Variants in SLC14A2 observed in about 807,000 individuals in gnomAD.
SLC14A2 encodes solute carrier family 14 member 2, also known as urea transporter 2.
In SLC14A2, 91 loss-of-function variants were observed where a neutral mutation model predicts 104.6. The ratio of observed to expected loss-of-function variants is 0.87; its 90% CI spans 0.73 to 1.04. SLC14A2 has a LOEUF of 1.04. SLC14A2 is among the 50% of genes least tolerant of loss of function. The probability of loss-of-function intolerance (pLI) is 0.00; values close to 1 mark genes in which losing one functional copy is unlikely to be tolerated. For synonymous variants in SLC14A2, 476 were observed against 466.4 expected (o/e 1.02, Z -0.27); for missense variants, 1,189 against 1,156.0 (o/e 1.03, Z -0.41).
intron 10 of SLC14A2, among the ~76,000 whole-genome samples, chr18:45,661,503 G>T (rs1222024026): frequency 1.3e-5 from 2 of 152,228 alleles, no homozygotes; most frequent in Non-Finnish European, 2.9e-5. Flanking sequence ...TGGGAACTGA[G>T]AGACCCAAAT....
rs1170162375 is a variant in SLC14A2, at chr18:45,318,119, C to T, written c.-125+104928C>T. On this transcript the variant is annotated intron_variant, in intron 1 of 20. Coordinates refer to the SLC14A2 transcript ENST00000586448. The stretch of plus-strand genomic sequence containing the variant: ...GTGAATAAATAACTTGATTGAGACG[C>T]GCCTCTTTGGAGGGTGATGCTGGCA... Among the ~76,000 whole-genome samples, 6 of 152,182 alleles carry T rather than the reference C, an allele frequency of 3.9e-5. No individual in the cohort carries two copies. In the South Asian group the frequency reaches 6.2e-4, roughly 16 times the overall value.
chr18:45,414,358 C>T (rs1384955028), intron 1 of SLC14A2, among the ~76,000 whole-genome samples: 1 of 152,140 alleles, frequency 6.6e-6, no homozygotes, highest in Non-Finnish European at 1.5e-5. Flanking sequence ...AATAATGGCA[C>T]ACTCAGAATC....
intron 1 of SLC14A2, among the ~76,000 whole-genome samples, chr18:45,337,774 C>A (rs767371039): frequency 7.2e-5 from 11 of 152,164 alleles, no homozygotes; most frequent in Non-Finnish European, 1.5e-4. Context: ...AGATAGCTGA[C>A]CCTGAAAGAA....
chr18:45,336,667 C>G (rs1338506104), intron 1 of SLC14A2, among the ~76,000 whole-genome samples: 1 of 152,150 alleles, frequency 6.6e-6, no homozygotes, highest in Non-Finnish European at 1.5e-5. Flanking sequence ...TGGCCTCCAG[C>G]CCTGGGCAGA....
chr18:45,621,761 A>G (rs1762353081), intron 1 of SLC14A2, among the ~76,000 whole-genome samples: 1 of 152,238 alleles, frequency 6.6e-6, no homozygotes, highest in South Asian at 2.1e-4. Flanking sequence ...AATCTGCTAT[A>G]AGGAAAAATA....
intron 1 of SLC14A2, among the ~76,000 whole-genome samples, chr18:45,429,336 T>G (rs1011386143): frequency 6.6e-6 from 1 of 152,210 alleles, no homozygotes; most frequent in South Asian, 2.1e-4. Flanking sequence ...GTGGAAGACT[T>G]GCCTATGACT....
At chr18:45,463,033 A>G (rs1389097230) in intron 1 of SLC14A2, among the ~76,000 whole-genome samples, 1 of 152,128 alleles carries the variant, frequency 6.6e-6, no homozygotes, top group Non-Finnish European at 1.5e-5. Flanking sequence ...ATGTGCTCTG[A>G]TACAGAATAT....
intron 11 of SLC14A2, among the ~76,000 whole-genome samples, chr18:45,664,836 T>C (rs1386491236): frequency 6.6e-6 from 1 of 152,184 alleles, no homozygotes; most frequent in African/African-American, 2.4e-5. Context: ...GGAGTTTGTC[T>C]TTGATAGAGG....
chr18:45,562,266 C>G lies in SLC14A2; in HGVS notation c.-34-62365C>G, dbSNP rs1290594253. 2.0e-5 allele frequency among the ~76,000 whole-genome samples: 3 copies of G among 152,246 alleles called. No homozygotes were observed. The East Asian group carries it at 5.8e-4, about 29-fold the overall frequency. ...AATCTACAAGTTAAAAGCTCTAGGA[C>G]AGTGCCCAGTCTATACGTAATTAAA... On this transcript the variant is annotated intron_variant, in intron 2 of 20. Coordinates refer to the SLC14A2 transcript ENST00000586448.
chr18:45,623,577 G>T (rs1599078282), intron 1 of SLC14A2, among the ~76,000 whole-genome samples: 2 of 152,210 alleles, frequency 1.3e-5, no homozygotes, highest in Admixed American at 1.3e-4. Flanking sequence ...CCTCTCATTA[G>T]GAGGAGGAGA....
intron 2 of SLC14A2, among the ~76,000 whole-genome samples, chr18:45,600,779 C>T (rs1030236037): frequency 6.6e-6 from 1 of 152,180 alleles, no homozygotes; most frequent in Non-Finnish European, 1.5e-5. Context: ...CATTGTCCCA[C>T]TGGACTTCCC....
chr18:45,572,360 T>G (rs1033614226), intron 2 of SLC14A2, among the ~76,000 whole-genome samples: 2 of 152,220 alleles, frequency 1.3e-5, no homozygotes, highest in Non-Finnish European at 2.9e-5. Flanking sequence ...ACTGACCTCT[T>G]ATGCTAGTGT....
At chr18:45,171,372 G>A in the SLC14A2 span, among the ~76,000 whole-genome samples, 2 of 152,084 alleles carry the variant, frequency 1.3e-5, no homozygotes, top group South Asian at 4.2e-4. Flanking sequence ...GGTGTATAAT[G>A]TTTAAAAGGT....
Position 45,682,301 on chromosome 18 carries a change from T to C in SLC14A2, c.2563-18T>C, listed in dbSNP as rs762114137. ...GCACCTGATGTGACCAAGGCTTATC[T>C]GTGTTCTTTCTCTCCAGTTTGGATT... On this transcript the variant is annotated intron_variant, in intron 19 of 19. Transcript: ENST00000255226. 1.2e-6 allele frequency: 2 copies of C among 1,612,702 alleles called. No homozygotes were observed. The highest frequency in any genetic ancestry group is 8.5e-7 in the Non-Finnish European group (1 of 1,178,786).
At chr18:45,381,827 GA>G (rs899796589) in intron 1 of SLC14A2, among the ~76,000 whole-genome samples, 4 of 152,084 alleles carry the variant, frequency 2.6e-5, no homozygotes, top group Non-Finnish European at 4.4e-5. Context: ...TTTTGTGGGG[GA>G]CATACAGGCA....
intron 10 of SLC14A2, among the ~76,000 whole-genome samples, chr18:45,658,005 T>C (rs1169500522): frequency 6.6e-6 from 1 of 152,048 alleles, no homozygotes; most frequent in Non-Finnish European, 1.5e-5. Context: ...GGCCAAAGCA[T>C]AGTCAGTCAA....
chr18:45,675,685 CTATATATA>C (rs35374996), intron 18 of SLC14A2, among the ~76,000 whole-genome samples: 2 of 80,630 alleles, frequency 2.5e-5, no homozygotes, highest in African/African-American at 1.1e-4. Flanking sequence ...CAGCTAATTT[CTATATATA>C]TATATATATA....
rs1426523681 is a variant in SLC14A2, at chr18:45,291,987, G to A, written c.-125+78796G>A. On this transcript the variant is annotated intron_variant, in intron 1 of 20. Transcript: ENST00000586448. Reference sequence around the variant, plus strand: ...AAATCCTTTCTAAATGGCTAAGAAGGCAATTCTTTTCAGCCATTTGCTTTG... The same window carrying A: ...AAATCCTTTCTAAATGGCTAAGAAGACAATTCTTTTCAGCCATTTGCTTTG... Among the ~76,000 whole-genome samples the A allele has an allele frequency of 4.6e-5, 7 of 152,244 alleles. No individual in the cohort carries two copies. In the East Asian group the frequency reaches 1.3e-3, roughly 29 times the overall value.
chr18:45,581,018 C>T (rs1268484561), intron 2 of SLC14A2, among the ~76,000 whole-genome samples: 3 of 152,070 alleles, frequency 2.0e-5, no homozygotes, highest in Non-Finnish European at 2.9e-5. Context: ...TGAGAGGAGA[C>T]ATGGCAGAGA....
Sources: gnomAD v4.1 joint callset for allele counts (sites outside exome capture counted in the v4.1 genomes callset) on GRCh38, gnomAD v4.1.1 for gene constraint, MANE v1.5 for transcripts, NCBI Gene and HGNC (gene_info 2026-07-23, HGNC 2026-07-21) for gene names.